ARID1B: variants seen among roughly 807,000 people sequenced by gnomAD.
ARID1B encodes the protein AT-rich interaction domain 1B, also known as AT-rich interactive domain-containing protein 1B.
In ARID1B, 30 loss-of-function variants were observed where a neutral mutation model predicts 212.3. That is an observed-to-expected ratio of 0.14 (90% CI 0.11 to 0.19). The LOEUF (loss-of-function observed/expected upper bound fraction) is 0.19. Ranked by LOEUF, ARID1B falls within the 10% of genes least tolerant of loss-of-function variation. The pLI is 1.00. For missense variants in ARID1B, 2,891 were observed against 3,204.0 expected, an observed-to-expected ratio of 0.90 and a Z score of 2.36; for synonymous variants, 1,402 against 1,301.7, an observed-to-expected ratio of 1.08 and a Z score of -1.66.
At chr6:157,152,529 T>C (rs1790272952) in intron 8 of ARID1B, 1 of 152,244 alleles carries the variant, frequency 6.6e-6, no homozygotes, top group South Asian at 2.1e-4. Context: ...CACTATTCTT[T>C]CTAAAAAAAG....
At chr6:157,028,137 A>C (rs80062007) in intron 4 of ARID1B, among the ~76,000 whole-genome samples, 1 of 152,170 alleles carries the variant, frequency 6.6e-6, no homozygotes, top group African/African-American at 2.4e-5. Flanking sequence ...ATTATGACCA[A>C]ATTATATCAC....
At chr6:157,164,336 C>G (rs995131516) in intron 8 of ARID1B, among the ~76,000 whole-genome samples, 5 of 152,226 alleles carry the variant, frequency 3.3e-5, no homozygotes, top group African/African-American at 1.2e-4. Context: ...TCATCATCTT[C>G]TGGTGATTAA....
chr6:156,850,024 A>G (rs1186038962), intron 2 of ARID1B, among the ~76,000 whole-genome samples: 1 of 148,486 alleles, frequency 6.7e-6, no homozygotes, highest in African/African-American at 2.5e-5. Flanking sequence ...TCTTTGATCT[A>G]GTAGCCCTGG....
intron 4 of ARID1B, among the ~76,000 whole-genome samples, chr6:157,028,990 T>A (rs1238020289): frequency 6.6e-6 from 1 of 152,252 alleles, no homozygotes; most frequent in Non-Finnish European, 1.5e-5. Flanking sequence ...TGGAGTTATT[T>A]ATTGGTATGA....
chr6:156,941,427 A>C (rs1252117838), intron 4 of ARID1B: 2 of 152,198 alleles, frequency 1.3e-5, no homozygotes, highest in Admixed American at 1.3e-4. Flanking sequence ...GGATTCATCA[A>C]GTTCTTGAAC....
chr6:157,076,725 A>G (rs1784335225), intron 4 of ARID1B, among the ~76,000 whole-genome samples: 1 of 152,126 alleles, frequency 6.6e-6, no homozygotes, highest in Non-Finnish European at 1.5e-5. Flanking sequence ...TCTGTAGGCA[A>G]AGTCTGAATC....
chr6:156,802,705 G>T (rs1049204884), intron 1 of ARID1B, among the ~76,000 whole-genome samples: 2 of 152,234 alleles, frequency 1.3e-5, no homozygotes, highest in Admixed American at 1.3e-4. Flanking sequence ...AAACAGATGT[G>T]CCATACAGAG....
intron 16 of ARID1B, among the ~76,000 whole-genome samples, chr6:157,196,734 C>T (rs112246791): frequency 0.011 from 1,653 of 152,306 alleles, 35 homozygotes; most frequent in African/African-American, 0.038. Context: ...AAGGCCTGTG[C>T]AGTGGTAGCC....
In ARID1B at chr6:157,207,429, G is replaced by A. The variant is rs1480336119; in HGVS notation, c.6657G>A (p.Val2219=). The part of the protein sequence containing the change: ...LCKLSIQDNN[V]DLILATPPFS... The stretch of plus-strand genomic sequence containing the variant: ...AACTCAGTATCCAGGACAATAATGT[G>A]GACCTGATCTTGGCCACTCCTCCAT... Residue 2219 remains valine (V), a synonymous_variant, in exon 20 of 20, where the codon GTG becomes GTA. Transcript: ENST00000636930. The surrounding 1 kb of genome is among the most constrained non-coding windows in gnomAD (Gnocchi z 8.5). 1.2e-6 allele frequency: 2 copies of A among 1,614,156 alleles called. No homozygotes were observed. The highest frequency in any genetic ancestry group is 3.3e-5 in the Admixed American group (2 of 60,016).
chr6:157,153,260 T>G (rs970068372), intron 8 of ARID1B, among the ~76,000 whole-genome samples: 1 of 152,228 alleles, frequency 6.6e-6, no homozygotes, highest in African/African-American at 2.4e-5. Context: ...TCAGAGGATT[T>G]ACAATAGAAT....
chr6:157,205,953 G>A (rs1482909005), intron 19 of ARID1B: 14 of 598,638 alleles, frequency 2.3e-5, no homozygotes, highest in Non-Finnish European at 3.6e-5. Flanking sequence ...TAAGGAACAT[G>A]CTAAACATCG....
At chr6:157,080,606 A>C (rs966413867) in intron 4 of ARID1B, among the ~76,000 whole-genome samples, 3 of 152,180 alleles carry the variant, frequency 2.0e-5, no homozygotes, top group African/African-American at 7.2e-5. Context: ...CTGCCCCAAC[A>C]TAGAGAATCT....
chr6:157,001,149 T>C (rs1284848771), intron 4 of ARID1B, among the ~76,000 whole-genome samples: 2 of 152,216 alleles, frequency 1.3e-5, no homozygotes, highest in Non-Finnish European at 2.9e-5. Context: ...TCTTAAGGCA[T>C]GCAGCAAGGA....
At chr6:157,125,362 G>T (rs1788066099) in intron 6 of ARID1B, among the ~76,000 whole-genome samples, 1 of 152,198 alleles carries the variant, frequency 6.6e-6, no homozygotes, top group Non-Finnish European at 1.5e-5. Flanking sequence ...GTCATTTCTT[G>T]ACAGTTGGTA....
In ARID1B at chr6:157,064,829, G is replaced by A. The variant is rs116082177; in HGVS notation, c.2248-19833G>A. ...GGCCTGCCCCCTGCCCTTCAGCCCC[G>A]GCTCTCACTTTCTCTCCCTCTTTTT... On this transcript the variant is annotated intron_variant, in intron 4 of 19. Coordinates refer to ENST00000636930, the MANE Select transcript of ARID1B (RefSeq NM_001374828.1). Among the ~76,000 whole-genome samples the A allele has an allele frequency of 8.9e-3, 1,352 of 152,136 alleles. 24 individuals are homozygous for A. The highest frequency in any genetic ancestry group is 0.031 in the African/African-American group (1,300 of 41,504).
chr6:156,894,268 G>A (rs1183541295), intron 2 of ARID1B, among the ~76,000 whole-genome samples: 1 of 126,762 alleles, frequency 7.9e-6, no homozygotes. Flanking sequence ...GGTGCTTGCC[G>A]GGGGTTGGGA....
intron 8 of ARID1B, among the ~76,000 whole-genome samples, chr6:157,154,240 A>G (rs1790394515): frequency 6.6e-6 from 1 of 152,208 alleles, no homozygotes; most frequent in Admixed American, 6.5e-5. Flanking sequence ...GTAGATGGAC[A>G]AACAGATTTT....
rs56983474 is a variant in ARID1B, at chr6:156,823,688, G to GTT, written c.1792-5523_1792-5522dup. Among the ~76,000 whole-genome samples the GTT allele has an allele frequency of 6.5e-3, 767 of 117,982 alleles. 13 individuals are homozygous for GTT. Among genetic ancestry groups the GTT allele is most frequent in the African/African-American group, 0.016 (502 of 31,586 alleles). The allele number at this position is 117,982 out of a possible 152,430, so 77.4% of individuals were successfully genotyped here. A position where few individuals can be genotyped will look rare whatever the true frequency, so the allele number is the denominator to read the frequency against. On this transcript the variant is annotated intron_variant, in intron 1 of 19. Coordinates refer to ENST00000636930, the MANE Select transcript of ARID1B (RefSeq NM_001374828.1). ...GTTCTTTCGGTGGGTTTTCTTTGTT[G>GTT]TTTTTTTTTTTTTTTTTGTGAAGTG...
rs147474215 is a variant in ARID1B, at chr6:157,120,128, G to A, written c.2581+9567G>A. 3.4e-4 allele frequency among the ~76,000 whole-genome samples: 52 copies of A among 152,352 alleles called. No homozygotes were observed. The East Asian group carries it at 6.0e-3, about 18-fold the overall frequency. On this transcript the variant is annotated intron_variant, in intron 6 of 19. Transcript: ENST00000636930. ...AGTTTATTTGCTTCTCCAGGGCATA[G>A]CGACGTACGTACTTTGTCTTTTTCC...
Sources: gnomAD v4.1 joint callset for allele counts (sites outside exome capture counted in the v4.1 genomes callset) on GRCh38, gnomAD v4.1.1 for gene constraint, Gnocchi (gnomAD v3.1) non-coding constraint, MANE v1.5 for transcripts, NCBI Gene and HGNC (gene_info 2026-07-23, HGNC 2026-07-21) for gene names.